The following ASB3 variants were observed in gnomAD, a reference collection of about 807,000 sequenced individuals.
ASB3 encodes ankyrin repeat and SOCS box protein 3.
A neutral mutation model predicts 54.5 loss-of-function variants in ASB3; 41 were observed. The observed-to-expected ratio is 0.75, with a 90% CI of 0.59 to 0.98. The LOEUF (loss-of-function observed/expected upper bound fraction) is 0.98. Ranked by LOEUF, ASB3 falls within the 50% of genes least tolerant of loss-of-function variation. The pLI is 0.00. For missense variants in ASB3, 733 were observed against 620.0 expected, an observed-to-expected ratio of 1.18 and a Z score of -1.94; for synonymous variants, 266 against 221.2, an observed-to-expected ratio of 1.20 and a Z score of -1.80.
chr2:53,751,701 T>C (rs747409241), intron 2 of ASB3, among the ~76,000 whole-genome samples: 16 of 152,182 alleles, frequency 1.1e-4, no homozygotes, highest in Non-Finnish European at 2.2e-4. Context: ...AACATTTTCT[T>C]GAAGTGTCAG....
At position 53,670,198 on chromosome 2, in the gene ASB3, C is replaced by A; in HGVS notation, c.*305G>T. On this transcript the variant is annotated 3_prime_UTR_variant, in exon 10 of 10. Coordinates refer to ENST00000263634, the MANE Select transcript of ASB3 (RefSeq NM_016115.5). Reference sequence around the variant, plus strand: ...ATCACAGTTTATTAGCAAAATAAAGCAGAAAATGATCAAAATGATCAGGTA... The same window carrying A: ...ATCACAGTTTATTAGCAAAATAAAGAAGAAAATGATCAAAATGATCAGGTA... The A allele has an allele frequency of 4.6e-6, 1 of 216,914 alleles. No individual in the cohort carries two copies. The highest frequency in any genetic ancestry group is 8.9e-6 in the Non-Finnish European group (1 of 112,366). The allele number at this position is 216,914 out of a possible 1,614,324, so 13.4% of individuals were successfully genotyped here.
chr2:53,696,252 A>C (rs1428079602), intron 8 of ASB3, among the ~76,000 whole-genome samples: 1 of 152,202 alleles, frequency 6.6e-6, no homozygotes, highest in East Asian at 1.9e-4. Context: ...AGAATACCGA[A>C]AGTTTCACAA....
chr2:53,728,484 G>C (rs955018800), intron 5 of ASB3, among the ~76,000 whole-genome samples: 4 of 152,192 alleles, frequency 2.6e-5, no homozygotes, highest in African/African-American at 9.7e-5. Context: ...TTTAGTGATA[G>C]ATCATTATGT....
At chr2:53,769,782 C>T (rs981991154) in intron 1 of ASB3, among the ~76,000 whole-genome samples, 10 of 152,094 alleles carry the variant, frequency 6.6e-5, no homozygotes, top group Non-Finnish European at 1.5e-4. Flanking sequence ...GCAGACGTTG[C>T]GGTGAGCTGA....
At chr2:53,693,733 C>T in intron 9 of ASB3, 151 bp downstream of exon 9, 1 of 1,110,810 alleles carries the variant, frequency 9.0e-7, no homozygotes, top group Non-Finnish European at 1.2e-6. Flanking sequence ...TAGCCATCCC[C>T]TAACAACCCC....
chr2:53,673,408 G>T (rs1034301633), intron 9 of ASB3, among the ~76,000 whole-genome samples: 1 of 152,112 alleles, frequency 6.6e-6, no homozygotes, highest in Non-Finnish European at 1.5e-5. Context: ...GGGCTGACTG[G>T]GAAGATTCCT....
In ASB3 at chr2:53,670,640, G is replaced by T. The variant is rs761361891; in HGVS notation, c.1420C>A (p.Leu474Ile). 1.6e-5 allele frequency: 26 copies of T among 1,613,988 alleles called. No individual in the cohort carries two copies. Among genetic ancestry groups the T allele is most frequent in the Non-Finnish European group, 1.9e-5 (22 of 1,179,968 alleles). The stretch of plus-strand genomic sequence containing the variant: ...TCAGACCGTAGACGTTCTGATTTTA[G>T]ACTGGACCGAATTTCCAAACGACAA... ...HLCRLEIRSS[L>I]KSERLRSDSY... is the part of the protein sequence containing the mutation. The change falls in exon 10 of 10, where the codon CTA (leucine) becomes ATA (isoleucine). Residue 474 changes from leucine (L) to isoleucine (I), a missense_variant. Coordinates refer to ENST00000263634, the MANE Select transcript of ASB3 (RefSeq NM_016115.5).
At chr2:53,748,162 A>G (rs1672329669) in intron 3 of ASB3, 1 of 152,262 alleles carries the variant, frequency 6.6e-6, no homozygotes. Context: ...GGCTTAGTAT[A>G]CACTCTGCTT....
chr2:53,753,924 A>G (rs759111792), intron 2 of ASB3, among the ~76,000 whole-genome samples: 20 of 152,056 alleles, frequency 1.3e-4, no homozygotes, highest in Admixed American at 3.9e-4. Flanking sequence ...TACAGGCGTG[A>G]GCCACCATGC....
chr2:53,737,797 T>C lies in ASB3; in HGVS notation c.356-8227A>G, dbSNP rs564913904. ...CAAAACGAAAATTTCGAGAACACTT[T>C]GAATATCTAAAATATTCCTAATGTG... On this transcript the variant is annotated intron_variant, in intron 3 of 9. Transcript: ENST00000263634. Among the ~76,000 whole-genome samples, 3 of 151,918 alleles carry C rather than the reference T, an allele frequency of 2.0e-5. No individual in the cohort carries two copies. In the South Asian group the frequency reaches 6.2e-4, roughly 32 times the overall value.
At chr2:53,748,308 T>G (rs2103995636) in intron 3 of ASB3, 1 of 152,308 alleles carries the variant, frequency 6.6e-6, no homozygotes, top group African/African-American at 2.4e-5. Context: ...GTAGACGATT[T>G]CTTGAGGAAA....
At chr2:53,786,785 T>C (rs1675043816) in intron 1 of ASB3, 36 bp downstream of exon 1, 1 of 173,452 alleles carries the variant, frequency 5.8e-6, no homozygotes, top group Non-Finnish European at 1.2e-5. Context: ...CGGGAATGGC[T>C]TCAGGAAGCG....
chr2:53,736,172 A>G (rs1671617098), intron 3 of ASB3, among the ~76,000 whole-genome samples: 1 of 152,240 alleles, frequency 6.6e-6, no homozygotes, highest in Non-Finnish European at 1.5e-5. Flanking sequence ...TTAAAACATG[A>G]GAAAATTTGT....
At chr2:53,763,727 G>GT (rs1673280155) in intron 2 of ASB3, 2 of 162,682 alleles carry the variant, frequency 1.2e-5, no homozygotes, top group African/African-American at 4.8e-5. Flanking sequence ...AAGAAGAGAT[G>GT]TAACAGTATA....
intron 2 of ASB3, among the ~76,000 whole-genome samples, chr2:53,762,159 G>A (rs746820484): frequency 6.6e-6 from 1 of 150,934 alleles, no homozygotes; most frequent in Non-Finnish European, 1.5e-5. Flanking sequence ...ATGGTAGTGA[G>A]AAGTGATCTA....
At chr2:53,730,640 G>C (rs1671254442) in intron 3 of ASB3, among the ~76,000 whole-genome samples, 1 of 152,124 alleles carries the variant, frequency 6.6e-6, no homozygotes, top group Non-Finnish European at 1.5e-5. Context: ...CACAATGGTT[G>C]AATTAATGTA....
At chr2:53,739,541 T>G (rs912203091) in intron 3 of ASB3, among the ~76,000 whole-genome samples, 1 of 152,234 alleles carries the variant, frequency 6.6e-6, no homozygotes, top group African/African-American at 2.4e-5. Flanking sequence ...AAATGCTTAA[T>G]GTGACTATGA....
chr2:53,673,071 G>C (rs1667902660), intron 9 of ASB3, among the ~76,000 whole-genome samples: 1 of 152,046 alleles, frequency 6.6e-6, no homozygotes, highest in Non-Finnish European at 1.5e-5. Context: ...TGGCATTCTA[G>C]AGTGTAGCTG....
At chr2:53,673,811 A>C (rs1667944970) in intron 9 of ASB3, among the ~76,000 whole-genome samples, 1 of 152,234 alleles carries the variant, frequency 6.6e-6, no homozygotes, top group Non-Finnish European at 1.5e-5. Flanking sequence ...GTATTGGTTC[A>C]AATTTTAATT....
Sources: allele counts gnomAD v4.1 joint callset (sites outside exome capture counted in the v4.1 genomes callset), GRCh38; gene constraint gnomAD v4.1.1; transcripts MANE v1.5; gene names NCBI Gene and HGNC (gene_info 2026-07-23, HGNC 2026-07-21).